Variants in CDK14 observed in about 807,000 individuals in gnomAD.
CDK14 encodes cyclin dependent kinase 14, also known as cyclin-dependent kinase 14.
In CDK14, 34 loss-of-function variants were observed where a neutral mutation model predicts 60.7. The observed-to-expected ratio is 0.56, with a 90% CI of 0.43 to 0.75. The LOEUF (loss-of-function observed/expected upper bound fraction) is 0.75. Ranked by LOEUF, CDK14 falls within the 30% of genes least tolerant of loss-of-function variation. The probability of loss-of-function intolerance (pLI) is 0.00; values close to 1 mark genes in which losing one functional copy is unlikely to be tolerated. For missense variants in CDK14, 482 were observed against 564.1 expected (o/e 0.85, Z 1.47); for synonymous variants, 197 against 203.7 (o/e 0.97, Z 0.28).
chr7:91,120,782 C>T (rs1724220359), intron 14 of CDK14, among the ~76,000 whole-genome samples: 1 of 152,104 alleles, frequency 6.6e-6, no homozygotes, highest in South Asian at 2.1e-4. Flanking sequence ...GTTGATCCAC[C>T]CACCTTGGCC....
At chr7:90,796,202 C>T (rs1788421166) in intron 5 of CDK14, among the ~76,000 whole-genome samples, 1 of 151,950 alleles carries the variant, frequency 6.6e-6, no homozygotes, top group Non-Finnish European at 1.5e-5. Context: ...GGTTAGAGAG[C>T]CTCTGAAGAC....
At chr7:90,856,700 T>C (rs1444515457) in intron 5 of CDK14, among the ~76,000 whole-genome samples, 1 of 152,166 alleles carries the variant, frequency 6.6e-6, no homozygotes, top group Non-Finnish European at 1.5e-5. Flanking sequence ...GCTATGAAAA[T>C]ATTCAGACTC....
At chr7:90,861,493 A>G (rs1791008515) in intron 5 of CDK14, among the ~76,000 whole-genome samples, 1 of 152,206 alleles carries the variant, frequency 6.6e-6, no homozygotes, top group South Asian at 2.1e-4. Context: ...AAATTATTCC[A>G]GAAAGACAAA....
chr7:90,689,190 G>A (rs1164442115), intron 2 of CDK14, among the ~76,000 whole-genome samples: 1 of 152,146 alleles, frequency 6.6e-6, no homozygotes, highest in East Asian at 1.9e-4. Context: ...TTGAAGAGGT[G>A]GAAAGAGACT....
intron 14 of CDK14, among the ~76,000 whole-genome samples, chr7:91,124,792 T>C (rs1223507535): frequency 6.6e-6 from 1 of 152,226 alleles, no homozygotes; most frequent in Non-Finnish European, 1.5e-5. Flanking sequence ...CAAGCTGTGA[T>C]GTGGCTAGTA....
intron 2 of CDK14, chr7:90,608,460 C>T: frequency 1.8e-6 from 1 of 543,488 alleles, no homozygotes; most frequent in Non-Finnish European, 2.4e-6. Context: ...TACAGCAATT[C>T]ATGAATTGTT....
intron 4 of CDK14, among the ~76,000 whole-genome samples, chr7:90,785,176 A>G (rs1370891255): frequency 6.6e-6 from 1 of 152,252 alleles, no homozygotes; most frequent in Non-Finnish European, 1.5e-5. Context: ...CCCAGATTAT[A>G]TTAAATTTAT....
chr7:90,850,251 A>T (rs992459644), intron 5 of CDK14, among the ~76,000 whole-genome samples: 1 of 152,182 alleles, frequency 6.6e-6, no homozygotes, highest in Admixed American at 6.5e-5. Flanking sequence ...GCAATGCTAG[A>T]TACTGTGCTC....
intron 14 of CDK14, among the ~76,000 whole-genome samples, chr7:91,168,152 C>T (rs1251020006): frequency 6.6e-6 from 1 of 151,776 alleles, no homozygotes; most frequent in Non-Finnish European, 1.5e-5. Context: ...ATCCCAGCTA[C>T]TCGGGATACT....
intron 5 of CDK14, among the ~76,000 whole-genome samples, chr7:90,855,921 G>T (rs531761678): frequency 6.6e-6 from 1 of 152,242 alleles, no homozygotes; most frequent in East Asian, 1.9e-4. Flanking sequence ...GCTAAGGAAG[G>T]GGGAAATGGT....
chr7:90,786,443 A>C (rs1405012459), intron 4 of CDK14, among the ~76,000 whole-genome samples: 4 of 152,356 alleles, frequency 2.6e-5, no homozygotes, highest in South Asian at 4.1e-4. Context: ...AGTTATTTAA[A>C]TCAACGTTTG....
intron 14 of CDK14, among the ~76,000 whole-genome samples, chr7:91,163,414 A>C (rs1667242053): frequency 6.6e-6 from 1 of 152,228 alleles, no homozygotes; most frequent in African/African-American, 2.4e-5. Flanking sequence ...AGAGCTTTTA[A>C]ATTGAGGAGT....
intron 4 of CDK14, among the ~76,000 whole-genome samples, chr7:90,762,443 T>G (rs1038061405): frequency 1.3e-5 from 2 of 152,042 alleles, no homozygotes; most frequent in African/African-American, 4.8e-5. Context: ...CAAGGGGGTA[T>G]GTGAAAAGTG....
chr7:90,820,477 TA>T (rs921243111), intron 5 of CDK14, among the ~76,000 whole-genome samples: 6 of 152,260 alleles, frequency 3.9e-5, no homozygotes, highest in African/African-American at 1.4e-4. Flanking sequence ...GCTTTTGGTT[TA>T]AAAGTGACAT....
At chr7:90,694,092 C>T (rs573472143) in intron 2 of CDK14, among the ~76,000 whole-genome samples, 40 of 152,282 alleles carry the variant, frequency 2.6e-4, no homozygotes, top group Admixed American at 2.2e-3. Context: ...TTAGAGTCTG[C>T]TTCAGGGTAG....
chr7:91,125,563 C>T (rs1167210848), intron 14 of CDK14, among the ~76,000 whole-genome samples: 1 of 152,090 alleles, frequency 6.6e-6, no homozygotes, highest in African/African-American at 2.4e-5. Context: ...CACAAACACA[C>T]ACCATTCATA....
chr7:90,734,676 T>G (rs1317521410), intron 3 of CDK14, among the ~76,000 whole-genome samples: 1 of 152,186 alleles, frequency 6.6e-6, no homozygotes, highest in Non-Finnish European at 1.5e-5. Context: ...ATTTATATTC[T>G]TCTCCAAACT....
chr7:91,031,682 T>C (rs2115940166), intron 10 of CDK14, among the ~76,000 whole-genome samples: 1 of 152,282 alleles, frequency 6.6e-6, no homozygotes, highest in Non-Finnish European at 1.5e-5. Context: ...AAAATAAAAT[T>C]CCCTGCATCA....
chr7:91,141,442 T>TA (rs1422759437), intron 14 of CDK14, among the ~76,000 whole-genome samples: 1 of 152,102 alleles, frequency 6.6e-6, no homozygotes, highest in African/African-American at 2.4e-5. Context: ...TTTAGGTTGA[T>TA]ATAGCAACAG....
Sources: allele counts gnomAD v4.1 joint callset (sites outside exome capture counted in the v4.1 genomes callset), GRCh38; gene constraint gnomAD v4.1.1; transcripts MANE v1.5; gene names NCBI Gene and HGNC (gene_info 2026-07-23, HGNC 2026-07-21).